Variants in SIPA1L1 observed in about 807,000 individuals in gnomAD.
SIPA1L1 encodes signal-induced proliferation-associated 1-like protein 1.
Under a neutral mutation model 162.7 loss-of-function variants are expected in SIPA1L1, and 26 were observed. The observed-to-expected ratio is 0.16, with a 90% confidence interval of 0.12 to 0.22. SIPA1L1 has a LOEUF of 0.22. Among genes scored for constraint, SIPA1L1 ranks in the 10% least tolerant of loss-of-function variants. The pLI is 1.00. For synonymous variants in SIPA1L1, 829 were observed against 837.4 expected (o/e 0.99, Z 0.17); for missense variants, 1,874 against 2,241.0 (o/e 0.84, Z 3.31).
intron 4 of SIPA1L1, among the ~76,000 whole-genome samples, chr14:71,533,548 A>G (rs2053632692): frequency 6.6e-6 from 1 of 152,222 alleles, no homozygotes; most frequent in Non-Finnish European, 1.5e-5. Context: ...TCTCAGAGGA[A>G]TGCGTCTTTG....
chr14:71,635,517 G>A (rs182678306), intron 7 of SIPA1L1, among the ~76,000 whole-genome samples: 5 of 152,230 alleles, frequency 3.3e-5, no homozygotes, highest in Non-Finnish European at 5.9e-5. Flanking sequence ...TCTACACTTC[G>A]CTTCAATTGG....
At chr14:71,341,663 C>T (rs185079331) in intron 2 of SIPA1L1, among the ~76,000 whole-genome samples, 14 of 152,212 alleles carry the variant, frequency 9.2e-5, no homozygotes, top group Admixed American at 2.0e-4. Flanking sequence ...CTCTCTCTCC[C>T]CTCTCTAGTA....
At chr14:71,649,489 G>A (rs1172318001) in intron 7 of SIPA1L1, among the ~76,000 whole-genome samples, 1 of 152,084 alleles carries the variant, frequency 6.6e-6, no homozygotes, top group African/African-American at 2.4e-5. Context: ...ACTGTGCCCA[G>A]CCCAAAGTAC....
intron 22 of SIPA1L1, among the ~76,000 whole-genome samples, chr14:71,736,228 T>G (rs1210804720): frequency 1.3e-5 from 2 of 152,148 alleles, no homozygotes. Flanking sequence ...AAACCCTGTC[T>G]CTACTAAAAA....
chr14:71,331,049 G>C (rs2034478427), intron 2 of SIPA1L1, among the ~76,000 whole-genome samples: 1 of 152,096 alleles, frequency 6.6e-6, no homozygotes, highest in Admixed American at 6.6e-5. Context: ...TTACATTTAG[G>C]TCTTTAGTCC....
chr14:71,426,615 G>C (rs757859211), intron 2 of SIPA1L1, among the ~76,000 whole-genome samples: 5 of 151,232 alleles, frequency 3.3e-5, no homozygotes, highest in Non-Finnish European at 7.4e-5. Context: ...TCAGCCTCCT[G>C]AGTAGCTGGG....
chr14:71,453,869 G>T (rs935026375), intron 2 of SIPA1L1, among the ~76,000 whole-genome samples: 1 of 151,696 alleles, frequency 6.6e-6, no homozygotes, highest in African/African-American at 2.4e-5. Context: ...TGGCTCACTC[G>T]TGTAATCCCA....
intron 2 of SIPA1L1, among the ~76,000 whole-genome samples, chr14:71,368,222 C>T (rs1217854829): frequency 1.5e-5 from 2 of 133,964 alleles, no homozygotes; most frequent in East Asian, 2.3e-4. Context: ...AGGTTAGTTA[C>T]ATATGTATAC....
intron 2 of SIPA1L1, among the ~76,000 whole-genome samples, chr14:71,417,500 A>AAAAAAAAAC (rs1566996062): frequency 3.4e-5 from 5 of 146,518 alleles, no homozygotes; most frequent in African/African-American, 9.9e-5. Flanking sequence ...AAAAAAAAAA[A>AAAAAAAAAC]AAAGAAAATC....
Position 71,502,745 on chromosome 14 carries a change from A to G in SIPA1L1, c.-464-9998A>G, listed in dbSNP as rs113644020. ...TGCAAATGTAGTTATGGTTTAATATACTTCTCAGTTTTATCATCCTTGTGT... is the reference window on the plus strand; with the variant it reads ...TGCAAATGTAGTTATGGTTTAATATGCTTCTCAGTTTTATCATCCTTGTGT... On this transcript the variant is annotated intron_variant, in intron 2 of 23. Transcript: ENST00000381232. Among the ~76,000 whole-genome samples the G allele has an allele frequency of 8.7e-3, 1,323 of 152,286 alleles. 8 individuals are homozygous for G. The highest frequency in any genetic ancestry group is 0.015 in the Non-Finnish European group (1,028 of 68,028).
chr14:71,704,608 A>G lies in SIPA1L1; in HGVS notation c.3647-614A>G, dbSNP rs1024866787. On this transcript the variant is annotated intron_variant, in intron 15 of 23. Coordinates refer to ENST00000381232, the MANE Select transcript of SIPA1L1 (RefSeq NM_001386936.1). ...TAGCTATAGTGGTGTTATGGAGGAT[A>G]AATTCTTTATCTCTCACTTTTGGAA... The G allele has an allele frequency of 5.1e-5, 37 of 726,794 alleles. No homozygotes were observed. In the African/African-American group the frequency reaches 6.1e-4, roughly 12 times the overall value. 45.0% of individuals were successfully genotyped at this position (726,794 alleles called of 1,614,324 possible).
intron 12 of SIPA1L1, among the ~76,000 whole-genome samples, chr14:71,676,740 C>T (rs528393266): frequency 1.4e-3 from 207 of 149,210 alleles, no homozygotes; most frequent in Non-Finnish European, 2.5e-3. Flanking sequence ...GTTTTTTTGT[C>T]CTTGTGATAG....
chr14:71,396,009 C>T (rs986018222), intron 2 of SIPA1L1, among the ~76,000 whole-genome samples: 2 of 152,142 alleles, frequency 1.3e-5, no homozygotes, highest in African/African-American at 4.8e-5. Flanking sequence ...TTACACTCCA[C>T]TGTGATGTCC....
At position 71,654,049 on chromosome 14, in the gene SIPA1L1, G is replaced by A. The variant is rs74790718; in HGVS notation, c.1993+3540G>A. Among the ~76,000 whole-genome samples the A allele has an allele frequency of 2.5e-3, 387 of 152,264 alleles. 3 individuals carry two copies. The East Asian group carries it at 0.051, about 20-fold the overall frequency. Reference sequence around the variant, plus strand: ...AGTACTCAAACCAGCTCATGAGATAGCTCTACTTCATGCATTATCATCATA... The same window carrying A: ...AGTACTCAAACCAGCTCATGAGATAACTCTACTTCATGCATTATCATCATA... On this transcript the variant is annotated intron_variant, in intron 8 of 23. Transcript: ENST00000381232.
chr14:71,371,316 C>T (rs1162593062), intron 2 of SIPA1L1, among the ~76,000 whole-genome samples: 1 of 152,124 alleles, frequency 6.6e-6, no homozygotes, highest in Admixed American at 6.5e-5. Flanking sequence ...ATTGTTTATT[C>T]ATGAAAGATG....
intron 5 of SIPA1L1, among the ~76,000 whole-genome samples, chr14:71,612,213 A>G (rs1420467326): frequency 1.3e-5 from 2 of 152,140 alleles, no homozygotes; most frequent in African/African-American, 4.8e-5. Context: ...TAATTCTAAG[A>G]TTTGGATGTG....
intron 2 of SIPA1L1, among the ~76,000 whole-genome samples, chr14:71,478,273 A>G (rs935372342): frequency 3.3e-5 from 5 of 152,268 alleles, no homozygotes; most frequent in East Asian, 1.9e-4. Flanking sequence ...CTGGATACAA[A>G]TTATTTGTTG....
At chr14:71,661,267 C>G (rs1314372020) in intron 9 of SIPA1L1, 43 bp from the exon 10 acceptor site, 1 of 1,599,580 alleles carries the variant, frequency 6.3e-7, no homozygotes, top group South Asian at 1.1e-5. Flanking sequence ...GCGGGGGAAG[C>G]AAATGATTGT....
At chr14:71,385,932 C>T (rs1241308430) in intron 2 of SIPA1L1, among the ~76,000 whole-genome samples, 6 of 151,956 alleles carry the variant, frequency 3.9e-5, no homozygotes, top group Middle Eastern at 3.2e-3. Context: ...GTGATCCGCC[C>T]GCCTCAGCCT....
Sources: gnomAD v4.1 joint callset for allele counts (sites outside exome capture counted in the v4.1 genomes callset) on GRCh38, gnomAD v4.1.1 for gene constraint, MANE v1.5 for transcripts, NCBI Gene and HGNC (gene_info 2026-07-23, HGNC 2026-07-21) for gene names.